Variants in CDKL1 observed in about 807,000 individuals in gnomAD.
CDKL1 encodes cyclin-dependent kinase-like 1.
CDKL1 carries 41 observed loss-of-function variants against 42.0 expected under a neutral mutation model. The observed-to-expected ratio is 0.98, with a 90% CI of 0.76 to 1.27. CDKL1 has a LOEUF of 1.27. CDKL1 is among the 50% of genes most tolerant of loss of function. The pLI is 0.00. For missense variants in CDKL1, 394 were observed against 428.4 expected (o/e 0.92, Z 0.71); for synonymous variants, 153 against 158.6 (o/e 0.96, Z 0.26).
At position 50,341,060 on chromosome 14, in the gene CDKL1, A is replaced by T. The variant is rs1767111489; in HGVS notation, c.627T>A (p.Asp209Glu). 6.2e-7 allele frequency: 1 copy of T among 1,613,764 alleles called. No homozygotes were observed. The highest frequency in any genetic ancestry group is 1.3e-5 in the African/African-American group (1 of 74,932). ...AGGTCTTCCTAATCAGATACAGCTG[A>T]TCCACATCCGATTTTCCTGGCCACA... ...VPLWPGKSDV[D>E]QLYLIRKTLG... Residue 209 changes from aspartate to glutamate, a missense_variant, in exon 6 of 10, where the codon GAT (aspartate) becomes GAA (glutamate). By Grantham distance (45) the Asp-to-Glu change is conservative. Transcript: ENST00000395834.
intron 2 of CDKL1, among the ~76,000 whole-genome samples, chr14:50,392,078 T>C (rs1341251054): frequency 2.0e-5 from 3 of 152,236 alleles, no homozygotes; most frequent in Non-Finnish European, 4.4e-5. Context: ...TCAAAGCCAA[T>C]GGCTAATCCT....
chr14:50,365,731 A>C (rs138801914), intron 2 of CDKL1, among the ~76,000 whole-genome samples: 4 of 152,322 alleles, frequency 2.6e-5, no homozygotes, highest in Non-Finnish European at 5.9e-5. Flanking sequence ...AAAGGAGATT[A>C]ACATTTGAGT....
chr14:50,359,204 C>T, intron 2 of CDKL1, 55 bp from the exon 3 acceptor site: 1 of 1,566,554 alleles, frequency 6.4e-7, no homozygotes, highest in African/African-American at 1.4e-5. Context: ...ACAGCTTTCT[C>T]TAATCTTGAT....
In CDKL1 at chr14:50,361,968, C is replaced by A. The variant is rs555085587; in HGVS notation, c.169-2819G>T. On this transcript the variant is annotated intron_variant, in intron 2 of 9. Transcript: ENST00000395834. ...GGAGGTGTGGAGGGAGAGGCGCAGG[C>A]GGGAACCGGCGAGTTCCGGGTGGGC... 2.0e-5 allele frequency among the ~76,000 whole-genome samples: 3 copies of A among 152,300 alleles called. No individual in the cohort carries two copies. In the South Asian group the frequency reaches 6.2e-4, roughly 32 times the overall value.
chr14:50,345,150 T>C (rs1164979347), intron 3 of CDKL1, 92 bp from the exon 4 acceptor site: 1 of 1,157,998 alleles, frequency 8.6e-7, no homozygotes, highest in Admixed American at 2.4e-5. Flanking sequence ...TAGGCTTTAG[T>C]AGTGAAAAAT....
chr14:50,380,286 T>G, intron 2 of CDKL1: 2 of 519,322 alleles, frequency 3.9e-6, no homozygotes, highest in Non-Finnish European at 7.9e-6. Context: ...GACTTAGGAA[T>G]GCAGAGGTGG....
intron 7 of CDKL1, among the ~76,000 whole-genome samples, chr14:50,338,296 C>T (rs972779908): frequency 2.6e-5 from 4 of 151,956 alleles, no homozygotes; most frequent in Admixed American, 1.3e-4. Flanking sequence ...GGTGCAATAT[C>T]GGCTCACTGC....
chr14:50,364,020 C>G (rs2034366761), intron 2 of CDKL1: 1 of 152,384 alleles, frequency 6.6e-6, no homozygotes. Context: ...CCTGACACAG[C>G]TGGTATGTAC....
intron 2 of CDKL1, chr14:50,362,864 T>G (rs1032843837): frequency 7.7e-6 from 3 of 388,358 alleles, no homozygotes; most frequent in Non-Finnish European, 1.7e-5. Context: ...AAAAGCAGGC[T>G]GCCCGACCCA....
intron 7 of CDKL1, chr14:50,335,921 G>GAA: frequency 1.6e-6 from 2 of 1,253,550 alleles, no homozygotes; most frequent in South Asian, 1.4e-5. Context: ...GTCAACAGGA[G>GAA]AAAAAAAAAA....
chr14:50,372,805 A>G (rs1165760476), intron 2 of CDKL1, among the ~76,000 whole-genome samples: 1 of 152,192 alleles, frequency 6.6e-6, no homozygotes, highest in Non-Finnish European at 1.5e-5. Flanking sequence ...CCCACTGTGT[A>G]TTCTTGATGC....
intron 2 of CDKL1, chr14:50,380,215 A>C (rs1296685620): frequency 1.9e-6 from 1 of 532,842 alleles, no homozygotes; most frequent in Non-Finnish European, 3.8e-6. Context: ...TGGTCAAAAT[A>C]GTAAATCCGA....
intron 8 of CDKL1, chr14:50,333,783 C>A (rs932128052): frequency 7.9e-5 from 12 of 151,958 alleles, no homozygotes; most frequent in African/African-American, 2.9e-4. Flanking sequence ...TTATTTAATA[C>A]ATCAGTAAAT....
chr14:50,332,613 A>G, intron 8 of CDKL1, 181 bp from the exon 9 acceptor site: 1 of 1,501,738 alleles, frequency 6.7e-7, no homozygotes, highest in Non-Finnish European at 8.9e-7. Flanking sequence ...CTCACATATT[A>G]AATAAATAGT....
In CDKL1 at chr14:50,363,626, T is replaced by C. The variant is rs139475738; in HGVS notation, c.169-4477A>G. Among the ~76,000 whole-genome samples, 685 of 152,330 alleles carry C rather than the reference T, an allele frequency of 4.5e-3. 3 individuals are homozygous for C. The highest frequency in any genetic ancestry group is 0.016 in the African/African-American group (655 of 41,566). On this transcript the variant is annotated intron_variant, in intron 2 of 9. Transcript: ENST00000395834. ...AAGACTTTGAATCTTAGAATTCTCTTTCCATTTTCCACATTCCATATTTAG... is the reference window on the plus strand; with the variant it reads ...AAGACTTTGAATCTTAGAATTCTCTCTCCATTTTCCACATTCCATATTTAG...
intron 3 of CDKL1, among the ~76,000 whole-genome samples, chr14:50,346,472 T>C (rs994697790): frequency 1.5e-4 from 23 of 152,024 alleles, no homozygotes; most frequent in African/African-American, 5.3e-4. Context: ...TTTAATTTTT[T>C]TTTTTTAGGG....
chr14:50,379,963 C>T, intron 2 of CDKL1: 1 of 379,974 alleles, frequency 2.6e-6, no homozygotes, highest in Non-Finnish European at 5.3e-6. Flanking sequence ...TATGTGGGGA[C>T]CCCAAATGCT....
At chr14:50,357,552 T>C (rs1034031344) in intron 3 of CDKL1, among the ~76,000 whole-genome samples, 5 of 152,158 alleles carry the variant, frequency 3.3e-5, no homozygotes, top group African/African-American at 4.8e-5. Context: ...TTTTCATCCC[T>C]GGTCAACTTA....
chr14:50,389,450 A>G (rs533682488), intron 2 of CDKL1, among the ~76,000 whole-genome samples: 42 of 152,306 alleles, frequency 2.8e-4, no homozygotes, highest in African/African-American at 9.9e-4. Context: ...AACCATATGT[A>G]TATCTGTGCT....
Sources: allele counts gnomAD v4.1 joint callset (sites outside exome capture counted in the v4.1 genomes callset), GRCh38; gene constraint gnomAD v4.1.1; transcripts MANE v1.5; gene names NCBI Gene and HGNC (gene_info 2026-07-23, HGNC 2026-07-21).